The following ZNF644 variants were observed in gnomAD, a reference collection of about 807,000 sequenced individuals.
The protein encoded by ZNF644 is zinc finger motif enhancer binding protein 2.
ZNF644 carries 20 observed loss-of-function variants against 108.0 expected under a neutral mutation model. The observed-to-expected ratio is 0.19, with a 90% CI of 0.13 to 0.27. ZNF644 has a LOEUF of 0.27. Ranked by LOEUF, ZNF644 falls within the 10% of genes least tolerant of loss-of-function variation. The pLI is 1.00. For missense variants in ZNF644, 1,338 were observed against 1,548.9 expected, an observed-to-expected ratio of 0.86 and a Z score of 2.29; for synonymous variants, 542 against 539.1, an observed-to-expected ratio of 1.01 and a Z score of -0.08.
In ZNF644 at chr1:90,943,832, A is replaced by C. The variant is rs138764022; in HGVS notation, c.45-2523T>G. ...TGCAAATGTCAAGGGAAAGAAAAGC[A>C]AGCCTTAATGCTACACTACCATTCA... On this transcript the variant is annotated intron_variant, in intron 2 of 5. Coordinates refer to ENST00000337393, the MANE Select transcript of ZNF644 (RefSeq NM_201269.3). 6.9e-3 allele frequency among the ~76,000 whole-genome samples: 1,049 copies of C among 152,344 alleles called. 16 individuals are homozygous for C. Among genetic ancestry groups the C allele is most frequent in the African/African-American group, 0.024 (985 of 41,574 alleles).
rs1390027248 is a variant in ZNF644, at chr1:90,937,974, T to C, written c.3199A>G (p.Thr1067Ala). The change falls in exon 4 of 6, where the codon ACG becomes GCG. Residue 1067 changes from threonine to alanine, a missense_variant. This residue lies in a region of ZNF644 where 287 missense variants were observed against 310.9 expected (regional missense o/e 0.92). Transcript: ENST00000337393. ...GGAGATTTGTGAGCATCCCATTTCGTCTTTCCAAGTCTTTTCAAGTGGCCT... is the reference window on the plus strand; with the variant it reads ...GGAGATTTGTGAGCATCCCATTTCGCCTTTCCAAGTCTTTTCAAGTGGCCT... The part of the protein sequence containing the change: ...VRGHLKRLGK[T>A]KWDAHKSPIC... 6 of 1,612,398 alleles carry C rather than the reference T, an allele frequency of 3.7e-6. No homozygotes were observed. The highest frequency in any genetic ancestry group is 1.7e-5 in the Admixed American group (1 of 59,974).
chr1:90,931,028 A>T (rs116353543), intron 4 of ZNF644, among the ~76,000 whole-genome samples: 2 of 152,270 alleles, frequency 1.3e-5, no homozygotes, highest in African/African-American at 2.4e-5. Context: ...AATAACCAGG[A>T]TGATTAATTT....
chr1:90,926,400 C>T (rs1051979217), intron 4 of ZNF644, among the ~76,000 whole-genome samples: 2 of 152,180 alleles, frequency 1.3e-5, no homozygotes, highest in African/African-American at 4.8e-5. Flanking sequence ...ACCCATTCAA[C>T]ATAACTTCCT....
chr1:91,016,116 G>T (rs1235167863), intron 1 of ZNF644, among the ~76,000 whole-genome samples: 1 of 152,134 alleles, frequency 6.6e-6, no homozygotes, highest in South Asian at 2.1e-4. Flanking sequence ...TTCTATGTGT[G>T]TGTGTGTCTG....
At chr1:90,964,360 G>C (rs1214322983) in intron 2 of ZNF644, among the ~76,000 whole-genome samples, 1 of 151,888 alleles carries the variant, frequency 6.6e-6, no homozygotes, top group Non-Finnish European at 1.5e-5. Flanking sequence ...ACAAAGAAGG[G>C]GATTAAGACA....
At chr1:90,953,616 C>G (rs978784530) in intron 2 of ZNF644, among the ~76,000 whole-genome samples, 1 of 151,900 alleles carries the variant, frequency 6.6e-6, no homozygotes, top group Non-Finnish European at 1.5e-5. Context: ...AGGTATATAG[C>G]TTAAAGTATT....
Position 90,916,618 on chromosome 1 carries a change from A to G in ZNF644, c.*180T>C, listed in dbSNP as rs576373797. 12 of 663,968 alleles carry G rather than the reference A, an allele frequency of 1.8e-5. No homozygotes were observed. Among genetic ancestry groups the G allele is most frequent in the East Asian group, 2.8e-5 (1 of 35,588 alleles). 41.1% of individuals were successfully genotyped at this position (663,968 alleles called of 1,614,324 possible). A position where few individuals can be genotyped will look rare whatever the true frequency, so the allele number is the denominator to read the frequency against. On this transcript the variant is annotated 3_prime_UTR_variant, in exon 6 of 6. Coordinates refer to ENST00000337393, the MANE Select transcript of ZNF644 (RefSeq NM_201269.3). ...CTTAAAAACACATCTTCCACCCTAT[A>G]TAAAATATATAGACTACTTACTGTT...
intron 1 of ZNF644, among the ~76,000 whole-genome samples, chr1:91,003,329 T>C (rs944504172): frequency 4.6e-5 from 7 of 151,686 alleles, no homozygotes; most frequent in African/African-American, 1.7e-4. Flanking sequence ...GGCACATATA[T>C]ACCATGGAAT....
chr1:90,938,722 T>G lies in ZNF644; in HGVS notation c.2632A>C (p.Thr878Pro). The change falls in exon 3 of 6, where the codon ACC (threonine) becomes CCC (proline). Residue 878 changes from threonine (T) to proline (P), a missense_variant. Physicochemically the swap from Thr to Pro is conservative, Grantham distance 38. Transcript: ENST00000337393. The surrounding 1 kb of genome is among the most constrained non-coding windows in gnomAD (Gnocchi z 4.2). ...DYTTQAIEDE[T>P]YSDINQEHVN... is the part of the protein sequence containing the mutation. ...TGCTCTTGATTAATATCACTATAGG[T>G]TTCATCTTCTATGGCCTGTGTAGTG... 1 of 1,613,900 alleles carries G rather than the reference T, an allele frequency of 6.2e-7. No homozygotes were observed. The highest frequency in any genetic ancestry group is 8.5e-7 in the Non-Finnish European group (1 of 1,179,904).
rs1649012073 is a variant in ZNF644 at position 90,918,174 on chromosome 1, G to C, written c.3689-20C>G. On this transcript the variant is annotated intron_variant, in intron 4 of 5. Transcript: ENST00000337393. ...CTAAGGCTAAAAAGGGGAAGAGAAA[G>C]ACTTAACATTCCTTATATATTTCAA... 2 of 1,584,132 alleles carry C rather than the reference G, an allele frequency of 1.3e-6. No individual in the cohort carries two copies. Among genetic ancestry groups the C allele is most frequent in the Non-Finnish European group, 8.7e-7 (1 of 1,152,956 alleles).
At chr1:90,990,469 T>C (rs1256202645) in intron 1 of ZNF644, among the ~76,000 whole-genome samples, 1 of 151,668 alleles carries the variant, frequency 6.6e-6, no homozygotes, top group Non-Finnish European at 1.5e-5. Flanking sequence ...CAACCCCTGA[T>C]GGTGAACCCT....
Position 90,916,963 on chromosome 1 carries a change from G to A in ZNF644, c.3819C>T (p.Pro1273=), listed in dbSNP as rs776112362. Residue 1273 remains proline, a synonymous_variant, in exon 6 of 6, where the codon CCC becomes CCT. Coordinates refer to ENST00000337393, the MANE Select transcript of ZNF644 (RefSeq NM_201269.3). The part of the protein sequence containing the change: ...CRFCGLVFRG[P]LSVQEDWIKH... ...TAATCCAGTCTTCCTGAACAGACAA[G>A]GGTCCTCGAAAGACTAGGCCACAAA... 5.6e-6 allele frequency: 9 copies of A among 1,614,040 alleles called. No homozygotes were observed. The East Asian group carries it at 2.0e-4, about 36-fold the overall frequency.
chr1:90,943,428 G>A (rs1426883547), intron 2 of ZNF644, among the ~76,000 whole-genome samples: 1 of 152,152 alleles, frequency 6.6e-6, no homozygotes, highest in Admixed American at 6.5e-5. Flanking sequence ...GCAACAGAGT[G>A]AGACTCCGTC....
intron 1 of ZNF644, among the ~76,000 whole-genome samples, chr1:90,993,372 G>C (rs1657824545): frequency 6.6e-6 from 1 of 151,642 alleles, no homozygotes; most frequent in South Asian, 2.1e-4. Context: ...ACCCAGCCAA[G>C]AGAAGCAGAG....
At chr1:90,961,604 CATT>C (rs1468087942) in intron 2 of ZNF644, among the ~76,000 whole-genome samples, 5 of 152,046 alleles carry the variant, frequency 3.3e-5, no homozygotes, top group Non-Finnish European at 7.4e-5. Context: ...TTAAGTGAGA[CATT>C]AAAGAGATTT....
intron 2 of ZNF644, among the ~76,000 whole-genome samples, chr1:90,949,767 G>A (rs987225097): frequency 2.0e-5 from 3 of 152,166 alleles, no homozygotes; most frequent in Admixed American, 1.3e-4. Context: ...TTATGTAAAG[G>A]TCTGGAGCAT....
At chr1:90,933,148 C>T (rs762914819) in intron 4 of ZNF644, among the ~76,000 whole-genome samples, 14 of 152,028 alleles carry the variant, frequency 9.2e-5, no homozygotes, top group Non-Finnish European at 1.3e-4. Context: ...CTGTGTTTTG[C>T]AGAATTTTCA....
Position 90,937,615 on chromosome 1 carries a change from A to T in ZNF644, c.3558T>A (p.Ser1186=), listed in dbSNP as rs1651471800. 2 of 1,613,834 alleles carry T rather than the reference A, an allele frequency of 1.2e-6. No individual in the cohort carries two copies. Among genetic ancestry groups the T allele is most frequent in the African/African-American group, 2.7e-5 (2 of 74,922 alleles). ...TATGGATCTTTTGAGGAGAAATAGC[A>T]GAATTCCTTTCTTCTCCCATCCTTT... ...KNKRMGEERN[S]AISPQKIHNQ... Residue 1186 remains serine, a synonymous_variant, in exon 4 of 6, where the codon TCT becomes TCA. Coordinates refer to ENST00000337393, the MANE Select transcript of ZNF644 (RefSeq NM_201269.3).
intron 1 of ZNF644, among the ~76,000 whole-genome samples, chr1:91,006,628 CTTT>C (rs948435706): frequency 3.3e-5 from 5 of 151,918 alleles, no homozygotes; most frequent in Non-Finnish European, 4.4e-5. Flanking sequence ...CCAAAAAAGT[CTTT>C]TTTTTCTCTA....
Sources: gnomAD v4.1 joint callset for allele counts (sites outside exome capture counted in the v4.1 genomes callset) on GRCh38, gnomAD v4.1.1 for gene constraint, gnomAD v4.1.1 regional missense constraint, Gnocchi (gnomAD v3.1) non-coding constraint, MANE v1.5 for transcripts, NCBI Gene and HGNC (gene_info 2026-07-23, HGNC 2026-07-21) for gene names.